GPC5: variants seen among roughly 807,000 people sequenced by gnomAD.
The protein encoded by GPC5 is glypican-5.
A neutral mutation model predicts 53.9 loss-of-function variants in GPC5; 47 were observed. That is an observed-to-expected ratio of 0.87 (90% CI 0.69 to 1.11). GPC5 has a LOEUF of 1.11. GPC5 is among the 50% of genes most tolerant of loss of function. The pLI, the probability that GPC5 is intolerant of heterozygous loss-of-function variation, is 0.00. For synonymous variants in GPC5, 286 were observed against 263.3 expected, an observed-to-expected ratio of 1.09 and a Z score of -0.84; for missense variants, 748 against 713.1, an observed-to-expected ratio of 1.05 and a Z score of -0.56.
chr13:91,444,000 C>T (rs1406542270), intron 1 of GPC5, among the ~76,000 whole-genome samples: 5 of 152,130 alleles, frequency 3.3e-5, no homozygotes, highest in Non-Finnish European at 7.4e-5. Flanking sequence ...ACATAAAATA[C>T]AGTTTTTAGT....
At chr13:92,057,291 A>AAAAAAAC (rs1028461796) in intron 6 of GPC5, among the ~76,000 whole-genome samples, 1 of 107,270 alleles carries the variant, frequency 9.3e-6, no homozygotes, top group Non-Finnish European at 2.1e-5. Context: ...TGTGGAAAAC[A>AAAAAAAC]AAAAAACAAA....
At chr13:91,851,217 G>A (rs2038909185) in intron 5 of GPC5, among the ~76,000 whole-genome samples, 1 of 152,160 alleles carries the variant, frequency 6.6e-6, no homozygotes, top group Non-Finnish European at 1.5e-5. Flanking sequence ...CAGTGCCCCA[G>A]AGGTACTGAA....
chr13:91,848,985 A>T (rs1566301976), intron 5 of GPC5, among the ~76,000 whole-genome samples: 3 of 152,306 alleles, frequency 2.0e-5, no homozygotes, highest in Non-Finnish European at 4.4e-5. Context: ...GAATGCTTAA[A>T]TGTGAACTAT....
chr13:91,540,226 C>T (rs2029873394), intron 2 of GPC5, among the ~76,000 whole-genome samples: 1 of 152,214 alleles, frequency 6.6e-6, no homozygotes, highest in Non-Finnish European at 1.5e-5. Context: ...CCCTTCCAGA[C>T]TCTCTTCAGG....
At chr13:91,866,867 G>A (rs1000138220) in intron 5 of GPC5, among the ~76,000 whole-genome samples, 6 of 152,152 alleles carry the variant, frequency 3.9e-5, no homozygotes, top group African/African-American at 1.4e-4. Context: ...TTGATTCACT[G>A]TTTAGCTCTA....
chr13:92,641,122 A>G (rs183872018), intron 7 of GPC5, among the ~76,000 whole-genome samples: 2 of 152,232 alleles, frequency 1.3e-5, no homozygotes, highest in Non-Finnish European at 2.9e-5. Context: ...AAAGTGTCTC[A>G]TCACAGACTG....
chr13:91,829,097 T>A lies in GPC5; in HGVS notation c.1280+72677T>A, dbSNP rs78366800. ...ATCAAATTATTAAAGTTATTATCAA[T>A]ATTGGGTTAAAATGACACCATGTGC... On this transcript the variant is annotated intron_variant, in intron 5 of 7. Coordinates refer to ENST00000377067, the MANE Select transcript of GPC5 (RefSeq NM_004466.6). Among the ~76,000 whole-genome samples, 581 of 152,152 alleles carry A rather than the reference T, an allele frequency of 3.8e-3. 23 individuals carry two copies. The East Asian group carries it at 0.086, about 23-fold the overall frequency.
At chr13:91,963,807 A>C (rs937747304) in intron 6 of GPC5, among the ~76,000 whole-genome samples, 1 of 152,194 alleles carries the variant, frequency 6.6e-6, no homozygotes, top group Non-Finnish European at 1.5e-5. Context: ...AGCTCATACC[A>C]CTGCACCTGT....
chr13:92,729,976 G>C (rs1176944067), intron 7 of GPC5, among the ~76,000 whole-genome samples: 3 of 151,340 alleles, frequency 2.0e-5, no homozygotes, highest in African/African-American at 7.3e-5. Context: ...GTATGCTAGA[G>C]GGATTTGATA....
intron 2 of GPC5, among the ~76,000 whole-genome samples, chr13:91,644,188 C>T (rs545574990): frequency 5.3e-4 from 81 of 152,106 alleles, no homozygotes; most frequent in African/African-American, 1.8e-3. Flanking sequence ...TGAACAATAC[C>T]TAACACTAAT....
chr13:91,528,529 T>C (rs1886191076), intron 2 of GPC5, among the ~76,000 whole-genome samples: 1 of 152,182 alleles, frequency 6.6e-6, no homozygotes, highest in Non-Finnish European at 1.5e-5. Flanking sequence ...TTTAAGAAGT[T>C]CCAAACATTC....
intron 7 of GPC5, among the ~76,000 whole-genome samples, chr13:92,658,611 G>A (rs1886217503): frequency 1.3e-5 from 2 of 152,098 alleles, no homozygotes; most frequent in African/African-American, 4.8e-5. Flanking sequence ...TTTTGTTGTT[G>A]TTGTTTCTGT....
chr13:92,416,148 G>T (rs1876279467), intron 7 of GPC5, among the ~76,000 whole-genome samples: 1 of 152,156 alleles, frequency 6.6e-6, no homozygotes, highest in Admixed American at 6.5e-5. Context: ...AGTGGTTGGA[G>T]CTTCAATAAA....
At chr13:91,748,065 A>G (rs745610140) in intron 4 of GPC5, among the ~76,000 whole-genome samples, 13 of 152,198 alleles carry the variant, frequency 8.5e-5, no homozygotes. Flanking sequence ...CTCCAGGTGT[A>G]CAGTTTAAAA....
intron 2 of GPC5, among the ~76,000 whole-genome samples, chr13:91,607,178 T>A (rs1443171157): frequency 1.0e-5 from 1 of 98,334 alleles, no homozygotes; most frequent in Non-Finnish European, 2.5e-5. Context: ...TTCTATTTTA[T>A]CATATCAATA....
chr13:92,729,277 T>C (rs1195440433), intron 7 of GPC5, among the ~76,000 whole-genome samples: 2 of 151,260 alleles, frequency 1.3e-5, no homozygotes, highest in African/African-American at 4.8e-5. Context: ...TTATCATCTT[T>C]CCTTTCATAT....
In GPC5 at chr13:91,687,854, T is replaced by C. The variant is rs376652246; in HGVS notation, c.326-5333T>C. ...CTTGAATACAAAGCTACTATTTATATAGCTTGGTTGAGAAGTATTTTTATG... is the reference window on the plus strand; with the variant it reads ...CTTGAATACAAAGCTACTATTTATACAGCTTGGTTGAGAAGTATTTTTATG... On this transcript the variant is annotated intron_variant, in intron 2 of 7. Coordinates refer to ENST00000377067, the MANE Select transcript of GPC5 (RefSeq NM_004466.6). Among the ~76,000 whole-genome samples the C allele has an allele frequency of 1.2e-3, 176 of 152,198 alleles. 4 individuals are homozygous for C. The South Asian group carries it at 0.035, about 30-fold the overall frequency.
intron 7 of GPC5, among the ~76,000 whole-genome samples, chr13:92,283,629 C>T (rs918277176): frequency 6.6e-6 from 1 of 152,198 alleles, no homozygotes; most frequent in Non-Finnish European, 1.5e-5. Flanking sequence ...GAACAACCTG[C>T]TCCTGAATGA....
intron 6 of GPC5, among the ~76,000 whole-genome samples, chr13:92,137,944 G>T (rs1235692470): frequency 6.6e-6 from 1 of 152,098 alleles, no homozygotes; most frequent in Admixed American, 6.5e-5. Context: ...GTCAGTTTAG[G>T]TTCACCTATT....
Sources: gnomAD v4.1 joint callset for allele counts (sites outside exome capture counted in the v4.1 genomes callset) on GRCh38, gnomAD v4.1.1 for gene constraint, MANE v1.5 for transcripts, NCBI Gene and HGNC (gene_info 2026-07-23, HGNC 2026-07-21) for gene names.